Variants in ATRX observed in about 807,000 individuals in gnomAD.
The protein encoded by ATRX is chromatin remodeler ATRX.
In ATRX, 12 loss-of-function variants were observed where a neutral mutation model predicts 172.6. The observed-to-expected ratio is 0.07, with a 90% CI of 0.04 to 0.11. The LOEUF (loss-of-function observed/expected upper bound fraction) is 0.11. ATRX is among the 10% of genes least tolerant of loss of function. ATRX has a pLI of 1.00. For missense variants in ATRX, 1,368 were observed against 1,767.4 expected (o/e 0.77, Z 4.05); for synonymous variants, 674 against 594.7 (o/e 1.13, Z -1.94).
At chrX:77,646,914 C>T (rs1252288176) in intron 15 of ATRX, among the ~76,000 whole-genome samples, 1 of 105,222 alleles carries the variant, frequency 9.5e-6, no homozygotes, top group Non-Finnish European at 1.9e-5. Flanking sequence ...CAGAGCAAGA[C>T]ACTGTGTCTT....
chrX:77,773,014 A>AT (rs781825946), intron 1 of ATRX, among the ~76,000 whole-genome samples: 1,500 of 80,284 alleles, frequency 0.019, 22 homozygotes, highest in Non-Finnish European at 0.025. Context: ...CACCTGGCTA[A>AT]TTTTTTTTTT....
intron 30 of ATRX, among the ~76,000 whole-genome samples, chrX:77,528,027 G>A (rs1479018573): frequency 1.9e-5 from 2 of 105,354 alleles, no homozygotes; most frequent in African/African-American, 3.5e-5. Flanking sequence ...TCGCTGGGAG[G>A]GAGCTGGGGG....
chrX:77,778,950 C>T (rs563937254), intron 1 of ATRX, among the ~76,000 whole-genome samples: 4 of 108,177 alleles, frequency 3.7e-5, no homozygotes, highest in African/African-American at 1.0e-4. Context: ...TTTTTTGAAA[C>T]GGAGTCTCGC....
intron 34 of ATRX, among the ~76,000 whole-genome samples, chrX:77,511,105 T>C (rs2062854550): frequency 8.9e-6 from 1 of 111,906 alleles, no homozygotes; most frequent in African/African-American, 3.2e-5. Context: ...CAGAGAGAGA[T>C]TCTGTTTGGG....
rs561424023 is a variant in ATRX, at chrX:77,660,490, G to A, written c.4120+2892C>T. 6.4e-5 allele frequency among the ~76,000 whole-genome samples: 7 copies of A among 109,746 alleles called. No homozygotes were observed. The South Asian group carries it at 2.0e-3, about 31-fold the overall frequency. On this transcript the variant is annotated intron_variant, in intron 12 of 34. Coordinates refer to ENST00000373344, the MANE Select transcript of ATRX (RefSeq NM_000489.6). Reference sequence around the variant, plus strand: ...TGAGGCAGGAGAATGGCATGAACCCGGGAGGCAGAGCTTGCAGTGTGAGCC... The same window carrying A: ...TGAGGCAGGAGAATGGCATGAACCCAGGAGGCAGAGCTTGCAGTGTGAGCC...
chrX:77,546,106 A>G (rs2064230970), intron 30 of ATRX, among the ~76,000 whole-genome samples: 1 of 111,773 alleles, frequency 8.9e-6, no homozygotes, highest in Non-Finnish European at 1.9e-5. Flanking sequence ...AAGCTTAATC[A>G]TATAGAATAT....
chrX:77,612,427 G>A lies in ATRX; in HGVS notation c.5566+4186C>T, dbSNP rs781814248. On this transcript the variant is annotated intron_variant, in intron 22 of 34. Transcript: ENST00000373344. ...ATACTGGGGCCTGTTGGGGGGTGAG[G>A]GGCAAGGGGAGGAAGAGCATTAGGA... Among the ~76,000 whole-genome samples, 8 of 108,829 alleles carry A rather than the reference G, an allele frequency of 7.4e-5. No homozygotes were observed. The South Asian group carries it at 3.3e-3, about 44-fold the overall frequency. 94.5% of individuals were successfully genotyped at this position (108,829 alleles called of 115,157 possible). A position where few individuals can be genotyped will look rare whatever the true frequency, so the allele number is the denominator to read the frequency against.
chrX:77,584,677 A>C (rs1557075901), intron 27 of ATRX, among the ~76,000 whole-genome samples: 1 of 111,709 alleles, frequency 9.0e-6, no homozygotes, highest in African/African-American at 3.3e-5. Context: ...TAAAGATTTA[A>C]ATCTTAGACC....
At chrX:77,747,940 A>G (rs2075147547) in intron 1 of ATRX, among the ~76,000 whole-genome samples, 1 of 111,933 alleles carries the variant, frequency 8.9e-6, no homozygotes, top group Non-Finnish European at 1.9e-5. Flanking sequence ...TTATTATGCA[A>G]AGAATACTTA....
At chrX:77,694,805 G>C (rs1471321768) in intron 5 of ATRX, among the ~76,000 whole-genome samples, 3 of 100,889 alleles carry the variant, frequency 3.0e-5, no homozygotes, top group Admixed American at 1.2e-4. Flanking sequence ...GTCACCAGGG[G>C]CTTTCTCTGA....
chrX:77,527,488 C>G (rs188187491), intron 30 of ATRX, among the ~76,000 whole-genome samples: 2 of 112,275 alleles, frequency 1.8e-5, no homozygotes, highest in East Asian at 5.6e-4. Flanking sequence ...ACATGCGGAG[C>G]AGGAGATCCT....
intron 9 of ATRX, among the ~76,000 whole-genome samples, chrX:77,678,936 A>G (rs1557135374): frequency 9.0e-6 from 1 of 111,001 alleles, no homozygotes; most frequent in African/African-American, 3.3e-5. Context: ...ATGATACCCA[A>G]ATACTGCGAA....
At chrX:77,746,417 C>G (rs892967195) in intron 1 of ATRX, among the ~76,000 whole-genome samples, 1 of 111,841 alleles carries the variant, frequency 8.9e-6, no homozygotes, top group Admixed American at 9.5e-5. Context: ...TCTGTATATA[C>G]TTATTGTATT....
In ATRX at chrX:77,505,818, G is replaced by A; in HGVS notation, c.*2533C>T. ...AGATAGTATATTGTCATACTTGAAT[G>A]CTTTTCTTTAAAAACACAATTCCAG... On this transcript the variant is annotated 3_prime_UTR_variant, in exon 35 of 35. Coordinates refer to ENST00000373344, the MANE Select transcript of ATRX (RefSeq NM_000489.6). 5.8e-6 allele frequency: 1 copy of A among 171,361 alleles called. No individual in the cohort carries two copies. Among genetic ancestry groups the A allele is most frequent in the Non-Finnish European group, 1.1e-5 (1 of 88,865 alleles). 14.1% of individuals were successfully genotyped at this position (171,361 alleles called of 1,213,427 possible).
chrX:77,706,643 C>T (rs781793544), intron 2 of ATRX, among the ~76,000 whole-genome samples: 1 of 111,346 alleles, frequency 9.0e-6, no homozygotes, highest in Admixed American at 9.6e-5. Flanking sequence ...GTGTCTCACG[C>T]CTGTAATCCC....
chrX:77,580,547 A>C (rs1462977567), intron 27 of ATRX, among the ~76,000 whole-genome samples: 1 of 112,050 alleles, frequency 8.9e-6, no homozygotes, highest in Non-Finnish European at 1.9e-5. Context: ...TTCACCCTAG[A>C]ATTATATAAA....
chrX:77,714,340 C>A (rs1557163440), intron 2 of ATRX, among the ~76,000 whole-genome samples: 1 of 111,547 alleles, frequency 9.0e-6, no homozygotes, highest in Admixed American at 9.6e-5. Flanking sequence ...CAGCAAGGCC[C>A]ACCGGACTCC....
chrX:77,557,908 T>C (rs1326106308), intron 29 of ATRX, among the ~76,000 whole-genome samples: 2 of 111,733 alleles, frequency 1.8e-5, no homozygotes, highest in Non-Finnish European at 3.8e-5. Flanking sequence ...GTTGCTTTAT[T>C]TATTTCTGTA....
intron 1 of ATRX, among the ~76,000 whole-genome samples, chrX:77,750,849 A>G (rs1366936371): frequency 1.8e-5 from 2 of 111,566 alleles, no homozygotes; most frequent in African/African-American, 6.5e-5. Flanking sequence ...TACCTGCAAA[A>G]GACACGAACT....
Sources: allele counts gnomAD v4.1 joint callset (sites outside exome capture counted in the v4.1 genomes callset), GRCh38; gene constraint gnomAD v4.1.1; transcripts MANE v1.5; gene names NCBI Gene and HGNC (gene_info 2026-07-23, HGNC 2026-07-21).